DMD: variants seen among roughly 807,000 people sequenced by gnomAD.
DMD encodes dystrophin, also known as mutant dystrophin.
In DMD, 63 loss-of-function variants were observed where a neutral mutation model predicts 330.1. The observed-to-expected ratio is 0.19, with a 90% CI of 0.16 to 0.24. The LOEUF (loss-of-function observed/expected upper bound fraction) is 0.24, where lower values mean the gene tolerates loss of function less well. Ranked by LOEUF, DMD falls within the 10% of genes least tolerant of loss-of-function variation. DMD has a pLI of 1.00. For missense variants in DMD, 3,344 were observed against 2,684.1 expected (o/e 1.25, Z -5.43); for synonymous variants, 1,223 against 959.8 (o/e 1.27, Z -5.07).
intron 41 of DMD, among the ~76,000 whole-genome samples, chrX:32,318,947 C>T (rs1466672802): frequency 9.0e-6 from 1 of 110,783 alleles, no homozygotes; most frequent in Admixed American, 9.7e-5. Flanking sequence ...TGCTCATTGA[C>T]CTGCCTCATG....
At chrX:32,109,219 A>G (rs16990116) in intron 44 of DMD, among the ~76,000 whole-genome samples, 25,064 of 110,439 alleles carry the variant, frequency 0.23, 3,102 homozygotes, top group African/African-American at 0.47. Context: ...AATCTATCTG[A>G]GAAGAATCAA....
chrX:32,458,181 C>A (rs1218342771), intron 25 of DMD, among the ~76,000 whole-genome samples: 1 of 110,432 alleles, frequency 9.1e-6, no homozygotes, highest in East Asian at 2.9e-4. Flanking sequence ...AGACTTAAAC[C>A]CAGGCGATCT....
chrX:33,261,759 G>A (rs973493687), intron 1 of DMD, among the ~76,000 whole-genome samples: 2 of 110,069 alleles, frequency 1.8e-5, no homozygotes, highest in Non-Finnish European at 3.8e-5. Context: ...AGCACTCCAC[G>A]TGGTAGTAGA....
chrX:33,034,581 T>C (rs768023659), intron 1 of DMD, among the ~76,000 whole-genome samples: 3 of 112,441 alleles, frequency 2.7e-5, no homozygotes, highest in South Asian at 3.7e-4. Context: ...TACAATTTCC[T>C]CAACTTTAAA....
At chrX:33,102,792 A>G (rs946497694) in intron 1 of DMD, among the ~76,000 whole-genome samples, 3 of 112,012 alleles carry the variant, frequency 2.7e-5, no homozygotes, top group Non-Finnish European at 5.6e-5. Context: ...GTATATATGT[A>G]CATATATATC....
intron 60 of DMD, among the ~76,000 whole-genome samples, chrX:31,378,808 C>T (rs1168485717): frequency 9.1e-6 from 1 of 110,251 alleles, no homozygotes. Flanking sequence ...TCTCCCTTAG[C>T]CTGTGCTCTC....
chrX:32,128,532 A>T (rs2096672503), intron 44 of DMD, among the ~76,000 whole-genome samples: 1 of 112,238 alleles, frequency 8.9e-6, no homozygotes, highest in East Asian at 2.8e-4. Context: ...AATGCAAAGT[A>T]CCAATTCCCT....
chrX:32,596,070 C>T (rs1448692476), intron 12 of DMD, among the ~76,000 whole-genome samples, 194 bp from the exon 13 acceptor site: 1 of 111,482 alleles, frequency 9.0e-6, no homozygotes, highest in Non-Finnish European at 1.9e-5. Flanking sequence ...GTTAATTTAA[C>T]TGGAAAGTAT....
chrX:31,478,285 G>A lies in DMD; in HGVS notation c.8758C>T (p.Leu2920=). 1 of 1,211,574 alleles carries A rather than the reference G, an allele frequency of 8.3e-7. No individual in the cohort carries two copies. The highest frequency in any genetic ancestry group is 1.1e-6 in the Non-Finnish European group (1 of 895,470). Residue 2920 remains leucine (L), a synonymous_variant, in exon 59 of 79, where the codon CTG becomes TTG. Coordinates refer to ENST00000357033, the MANE Select transcript of DMD (RefSeq NM_004006.3). Reference sequence around the variant, plus strand: ...TTTCTCTGCCAGTCAGCGGAGTGCAGGTTCAATTTTTCCCACTCAGTATTG... The same window carrying A: ...TTTCTCTGCCAGTCAGCGGAGTGCAAGTTCAATTTTTCCCACTCAGTATTG... ...EVNTEWEKLN[L]HSADWQRKID...
Position 32,259,446 on chromosome X carries a change from C to T in DMD, c.6290+28083G>A, listed in dbSNP as rs773403455. 2.1e-4 allele frequency among the ~76,000 whole-genome samples: 23 copies of T among 110,731 alleles called. No homozygotes were observed. In the South Asian group the frequency reaches 3.4e-3, roughly 16 times the overall value. On this transcript the variant is annotated intron_variant, in intron 43 of 78. Transcript: ENST00000357033. ...CTTCAACGTTGTAAATTTTCCACGA[C>T]GATGTGTATCATTCACAAATAATAT...
chrX:31,213,154 A>ACTT (rs1569472381), intron 64 of DMD, among the ~76,000 whole-genome samples: 1 of 112,497 alleles, frequency 8.9e-6, no homozygotes, highest in African/African-American at 3.2e-5. Flanking sequence ...AAGAAAGTCA[A>ACTT]TGCACTTTGA....
At chrX:32,747,441 G>A (rs1394719723) in intron 7 of DMD, among the ~76,000 whole-genome samples, 1 of 111,235 alleles carries the variant, frequency 9.0e-6, no homozygotes, top group Admixed American at 9.6e-5. Context: ...AAGCGTGAGA[G>A]TGAGACCTAG....
intron 1 of DMD, among the ~76,000 whole-genome samples, chrX:33,188,234 A>ATCTCTCTCTCTCTCTCTCTCTC (rs745634940): frequency 9.6e-6 from 1 of 104,503 alleles, no homozygotes; most frequent in African/African-American, 3.5e-5. Flanking sequence ...TCCTTTAACC[A>ATCTCTCTCTCTCTCTCTCTCTC]TCTCTCTCTC....
At chrX:32,683,925 G>T (rs1444670808) in intron 9 of DMD, among the ~76,000 whole-genome samples, 1 of 108,646 alleles carries the variant, frequency 9.2e-6, no homozygotes, top group African/African-American at 3.4e-5. Flanking sequence ...GGTAAAAATA[G>T]TAAGTTGTTA....
At chrX:31,843,952 T>C (rs1017672299) in intron 48 of DMD, among the ~76,000 whole-genome samples, 5 of 109,748 alleles carry the variant, frequency 4.6e-5, no homozygotes, top group African/African-American at 1.3e-4. Context: ...TCCGACTCCC[T>C]GGCTCAAGCG....
chrX:32,655,717 C>G (rs1372461580), intron 9 of DMD, among the ~76,000 whole-genome samples: 1 of 111,516 alleles, frequency 9.0e-6, no homozygotes, highest in Non-Finnish European at 1.9e-5. Context: ...TCTCACTGAT[C>G]TGTCTAATGT....
chrX:31,646,654 A>G (rs2080120159), intron 54 of DMD, among the ~76,000 whole-genome samples: 1 of 111,477 alleles, frequency 9.0e-6, no homozygotes, highest in Non-Finnish European at 1.9e-5. Flanking sequence ...CCTCCCTGGA[A>G]ATTGCCTTCA....
chrX:32,318,037 A>T (rs931951132), intron 41 of DMD, among the ~76,000 whole-genome samples: 5 of 111,194 alleles, frequency 4.5e-5, no homozygotes, highest in Non-Finnish European at 9.5e-5. Flanking sequence ...GTAATAACAC[A>T]ATGATATGTA....
chrX:32,679,613 A>G (rs1432159939), intron 9 of DMD, among the ~76,000 whole-genome samples: 1 of 111,192 alleles, frequency 9.0e-6, no homozygotes, highest in Non-Finnish European at 1.9e-5. Context: ...AAAAATAGAA[A>G]GTCAAAGATC....
Sources: gnomAD v4.1 joint callset for allele counts (sites outside exome capture counted in the v4.1 genomes callset) on GRCh38, gnomAD v4.1.1 for gene constraint, MANE v1.5 for transcripts, NCBI Gene and HGNC (gene_info 2026-07-23, HGNC 2026-07-21) for gene names.